NEMP1: variants seen among roughly 807,000 people sequenced by gnomAD.
NEMP1 encodes the protein transmembrane protein 194.
A neutral mutation model predicts 53.7 loss-of-function variants in NEMP1; 29 were observed. The ratio of observed to expected loss-of-function variants is 0.54; its 90% CI spans 0.40 to 0.74. NEMP1 has a LOEUF of 0.74. Among genes scored for constraint, NEMP1 ranks in the 30% least tolerant of loss-of-function variants. The pLI is 0.00. For synonymous variants in NEMP1, 193 were observed against 192.9 expected, an observed-to-expected ratio of 1.00 and a Z score of 0.00; for missense variants, 477 against 528.6, an observed-to-expected ratio of 0.90 and a Z score of 0.96.
rs558713791 is a variant in NEMP1, at chr12:57,074,497, G to C, written c.128-1585C>G. On this transcript the variant is annotated intron_variant, in intron 1 of 8. Coordinates refer to ENST00000300128, the MANE Select transcript of NEMP1 (RefSeq NM_001130963.2). ...TGTGTATTTTTGTAGTAGAGATGGG[G>C]TTTCACCATGTTGGCCAGACTGATC... 2.0e-5 allele frequency among the ~76,000 whole-genome samples: 3 copies of C among 150,766 alleles called. No individual in the cohort carries two copies. In the South Asian group the frequency reaches 6.3e-4, roughly 32 times the overall value.
chr12:57,074,644 A>G (rs2032517492), intron 1 of NEMP1, among the ~76,000 whole-genome samples: 1 of 152,210 alleles, frequency 6.6e-6, no homozygotes, highest in Non-Finnish European at 1.5e-5. Flanking sequence ...GAGGATACTA[A>G]AAGATTTCAA....
chr12:57,079,451 T>G (rs1026448997), upstream of NEMP1, among the ~76,000 whole-genome samples: 2 of 152,220 alleles, frequency 1.3e-5, no homozygotes, highest in Admixed American at 6.5e-5. Flanking sequence ...TCTCTCCATT[T>G]AAGAAGCCAA....
chr12:57,069,066 A>T (rs1324454045), intron 4 of NEMP1, among the ~76,000 whole-genome samples, 168 bp downstream of exon 4: 1 of 152,214 alleles, frequency 6.6e-6, no homozygotes, highest in Non-Finnish European at 1.5e-5. Context: ...AAATAAGAAA[A>T]AACAAAAATC....
chr12:57,085,620 A>T (rs2032968275), intron 1 of NEMP1, among the ~76,000 whole-genome samples: 1 of 152,240 alleles, frequency 6.6e-6, no homozygotes, highest in African/African-American at 2.4e-5. Flanking sequence ...CATTCCTTAG[A>T]TGATAAATTC....
Position 57,060,002 on chromosome 12 carries a change from A to G in NEMP1, c.1212T>C (p.His404=). ...TGCTCCCTAATCCATACTCCTGCTC[A>G]TGGACAGAAACTTCATTTGGCGTGA... is the stretch of plus-strand genomic sequence containing the variant. ...SHLTPNEVSV[H]EQEYGLGSII... is the part of the protein sequence containing the mutation. Residue 404 remains histidine (H), a synonymous_variant, in exon 9 of 9, where the codon CAT becomes CAC. Coordinates refer to ENST00000300128, the MANE Select transcript of NEMP1 (RefSeq NM_001130963.2). 2 of 1,614,084 alleles carry G rather than the reference A, an allele frequency of 1.2e-6. No individual in the cohort carries two copies. The highest frequency in any genetic ancestry group is 1.7e-6 in the Non-Finnish European group (2 of 1,180,000).
At chr12:57,067,072 T>A (rs937513365) in intron 4 of NEMP1, among the ~76,000 whole-genome samples, 5 of 152,190 alleles carry the variant, frequency 3.3e-5, no homozygotes, top group African/African-American at 1.2e-4. Context: ...ACGCCTGTAA[T>A]CCCAGCACTT....
chr12:57,084,028 T>G (rs1186135572), intron 1 of NEMP1, among the ~76,000 whole-genome samples: 1 of 152,038 alleles, frequency 6.6e-6, no homozygotes, highest in African/African-American at 2.4e-5. Flanking sequence ...GATGGCGCGA[T>G]CTCGGCTCAC....
At chr12:57,077,497 TCAAACAAA>T (rs563762944) in intron 1 of NEMP1, among the ~76,000 whole-genome samples, 2 of 151,870 alleles carry the variant, frequency 1.3e-5, no homozygotes, top group African/African-American at 2.4e-5. Context: ...AAACTCCATC[TCAAACAAA>T]CAAACAAACA....
intron 1 of NEMP1, among the ~76,000 whole-genome samples, chr12:57,087,196 C>T (rs992477088): frequency 6.6e-5 from 10 of 152,248 alleles, no homozygotes; most frequent in Admixed American, 1.3e-4. Flanking sequence ...ACCCGGGCGC[C>T]CCGCGCCCAG....
At position 57,073,034 on chromosome 12, in the gene NEMP1, GAAAT is replaced by G. The variant is rs954090827; in HGVS notation, c.128-126_128-123del. On this transcript the variant is annotated intron_variant, in intron 1 of 8. Coordinates refer to ENST00000300128, the MANE Select transcript of NEMP1 (RefSeq NM_001130963.2). ...TGGGTTAAAACATTAGCCAGACTGA[GAAAT>G]AAGAAAAAAAACTGAGAAGAAGGAA... 9.0e-6 allele frequency: 7 copies of G among 773,880 alleles called. No homozygotes were observed. The African/African-American group carries it at 1.1e-4, about 12-fold the overall frequency. The allele number at this position is 773,880 out of a possible 1,614,324, so 47.9% of individuals were successfully genotyped here. A position where few individuals can be genotyped will look rare whatever the true frequency, so the allele number is the denominator to read the frequency against.
At chr12:57,081,229 C>T (rs1221993336), upstream of NEMP1, among the ~76,000 whole-genome samples, 1 of 152,132 alleles carries the variant, frequency 6.6e-6, no homozygotes, top group Non-Finnish European at 1.5e-5. Context: ...GTCATCCAAA[C>T]ATCATTATGG....
At chr12:57,069,952 C>T (rs574619002) in intron 3 of NEMP1, among the ~76,000 whole-genome samples, 2 of 151,708 alleles carry the variant, frequency 1.3e-5, no homozygotes, top group Admixed American at 6.6e-5. Context: ...CGTCAAAAAA[C>T]AAGCCAACCC....
chr12:57,082,910 A>G (rs1278137286), upstream of NEMP1, among the ~76,000 whole-genome samples: 3 of 151,868 alleles, frequency 2.0e-5, no homozygotes, highest in African/African-American at 7.3e-5. Context: ...GGTCCCAGCT[A>G]CTTGGGAGGT....
At chr12:57,088,213 G>A (rs191080523), upstream of NEMP1, 14 of 152,356 alleles carry the variant, frequency 9.2e-5, no homozygotes, top group Admixed American at 9.2e-4. Context: ...ATCCCTGCCT[G>A]ACCTACGCGC....
chr12:57,086,127 G>T (rs181257829), intron 1 of NEMP1, among the ~76,000 whole-genome samples: 129 of 152,280 alleles, frequency 8.5e-4, no homozygotes, highest in African/African-American at 3.1e-3. Context: ...GAGTGAGTCG[G>T]ATCTGGCCCA....
At position 57,064,135 on chromosome 12, in the gene NEMP1, G is replaced by A; in HGVS notation, c.690C>T (p.Tyr230=). The change falls in exon 6 of 9, where the codon TAC becomes TAT. Residue 230 remains tyrosine (Y), a synonymous_variant. Coordinates refer to ENST00000300128, the MANE Select transcript of NEMP1 (RefSeq NM_001130963.2). ...AATTTTTAAAAACTAGTTGAATGAG[G>A]TACAGAGAAAAAGACCAGCCTCCCA... is the stretch of plus-strand genomic sequence containing the variant. ...ILVGGWSFSL[Y]LIQLVFKNLQ... is the part of the protein sequence containing the mutation. 2 of 1,610,214 alleles carry A rather than the reference G, an allele frequency of 1.2e-6. No homozygotes were observed. Among genetic ancestry groups the A allele is most frequent in the South Asian group, 1.1e-5 (1 of 90,488 alleles).
At chr12:57,068,111 T>TAAA (rs1271706124) in intron 4 of NEMP1, among the ~76,000 whole-genome samples, 3 of 152,028 alleles carry the variant, frequency 2.0e-5, no homozygotes, top group Non-Finnish European at 4.4e-5. Flanking sequence ...CCTCCCTGTT[T>TAAA]CTCTCAGCAT....
At chr12:57,064,558 C>T in intron 5 of NEMP1, 88 bp downstream of exon 5, 2 of 973,292 alleles carry the variant, frequency 2.1e-6, no homozygotes, top group Non-Finnish European at 3.1e-6. Flanking sequence ...CATCAATACA[C>T]ATTTTCAGTT....
chr12:57,061,869 T>C lies in NEMP1; in HGVS notation c.981-924A>G, dbSNP rs571947198. Among the ~76,000 whole-genome samples, 113 of 150,106 alleles carry C rather than the reference T, an allele frequency of 7.5e-4. 1 individual carries two copies. The highest frequency in any genetic ancestry group is 1.4e-3 in the Non-Finnish European group (92 of 67,504). On this transcript the variant is annotated intron_variant, in intron 7 of 8. Coordinates refer to ENST00000300128, the MANE Select transcript of NEMP1 (RefSeq NM_001130963.2). ...CAAAAATTAGCTGGGCATGGTGGCA[T>C]GTACCTGTAACCCCAGCTACTCAGG...
Sources: allele counts gnomAD v4.1 joint callset (sites outside exome capture counted in the v4.1 genomes callset), GRCh38; gene constraint gnomAD v4.1.1; transcripts MANE v1.5; gene names NCBI Gene and HGNC (gene_info 2026-07-23, HGNC 2026-07-21).